The following RSU1 variants were observed in gnomAD, a reference collection of about 807,000 sequenced individuals.
RSU1 encodes Ras suppressor protein 1, also known as rsu-1.
RSU1 carries 26 observed loss-of-function variants against 31.1 expected under a neutral mutation model. The observed-to-expected ratio is 0.84, with a 90% CI of 0.61 to 1.16. The LOEUF is 1.16. Among genes scored for constraint, RSU1 ranks in the 50% most tolerant of loss-of-function variants. The pLI, the probability that RSU1 is intolerant of heterozygous loss-of-function variation, is 0.00. For missense variants in RSU1, 320 were observed against 339.1 expected, an observed-to-expected ratio of 0.94 and a Z score of 0.44; for synonymous variants, 164 against 136.3, an observed-to-expected ratio of 1.20 and a Z score of -1.41.
intron 8 of RSU1, among the ~76,000 whole-genome samples, chr10:16,626,187 G>A (rs895315805): frequency 3.9e-5 from 6 of 151,924 alleles, no homozygotes; most frequent in East Asian, 1.9e-4. Flanking sequence ...TGGGACTAAA[G>A]GTGCATGCCA....
intron 2 of RSU1, among the ~76,000 whole-genome samples, chr10:16,800,169 A>T (rs543610478): frequency 2.6e-5 from 4 of 152,180 alleles, no homozygotes; most frequent in Admixed American, 6.5e-5. Context: ...CTTTTACCCA[A>T]TGCATCATGT....
chr10:16,686,672 T>C (rs1043544471), intron 8 of RSU1, among the ~76,000 whole-genome samples: 1 of 152,100 alleles, frequency 6.6e-6, no homozygotes, highest in African/African-American at 2.4e-5. Context: ...GCAGGCTTGA[T>C]AGTCAACAAT....
intron 8 of RSU1, among the ~76,000 whole-genome samples, chr10:16,602,661 T>G (rs532267696): frequency 3.9e-5 from 6 of 152,350 alleles, no homozygotes; most frequent in African/African-American, 1.4e-4. Context: ...TATGCTGTTC[T>G]GAAGTCGTTT....
Position 16,816,998 on chromosome 10 carries a change from G to A in RSU1, c.84C>T (p.Ser28=), listed in dbSNP as rs745567913. The part of the protein sequence containing the change: ...PEVDMSDRGI[S]NMLDVNGLFT... The stretch of plus-strand genomic sequence containing the variant: ...AGAGGCCGTTGACATCCAGCATGTT[G>A]GAGATGCCCCGGTCACTCATGTCCA... The change falls in exon 2 of 9, where the codon TCC becomes TCT. Residue 28 remains serine, a synonymous_variant. Coordinates refer to ENST00000345264, the MANE Select transcript of RSU1 (RefSeq NM_012425.4). The A allele has an allele frequency of 2.5e-6, 4 of 1,613,830 alleles. No individual in the cohort carries two copies. The highest frequency in any genetic ancestry group is 1.1e-5 in the South Asian group (1 of 91,088).
chr10:16,776,539 G>A (rs551748599), intron 3 of RSU1, among the ~76,000 whole-genome samples: 2 of 151,208 alleles, frequency 1.3e-5, no homozygotes, highest in Non-Finnish European at 2.9e-5. Flanking sequence ...TTTACTACCT[G>A]CCTGGCCATT....
chr10:16,670,375 C>T (rs1835084274), intron 8 of RSU1, among the ~76,000 whole-genome samples: 1 of 152,142 alleles, frequency 6.6e-6, no homozygotes, highest in Non-Finnish European at 1.5e-5. Flanking sequence ...CAAAACTCCT[C>T]AAAGCAGCTA....
chr10:16,652,803 C>T (rs1452758032), intron 8 of RSU1, among the ~76,000 whole-genome samples: 16 of 152,042 alleles, frequency 1.1e-4, no homozygotes, highest in Admixed American at 1.0e-3. Flanking sequence ...CCATCTCAGC[C>T]TCCCAAGTAG....
At chr10:16,725,840 G>T (rs1836382099) in intron 7 of RSU1, among the ~76,000 whole-genome samples, 4 of 145,588 alleles carry the variant, frequency 2.7e-5, no homozygotes, top group African/African-American at 7.7e-5. Flanking sequence ...CATCTAGTAT[G>T]CAGGAACAAA....
At chr10:16,608,075 C>T (rs1392367741) in intron 8 of RSU1, among the ~76,000 whole-genome samples, 1 of 152,104 alleles carries the variant, frequency 6.6e-6, no homozygotes, top group Non-Finnish European at 1.5e-5. Flanking sequence ...AAGCCATCCA[C>T]CCGCCTTGGC....
intron 7 of RSU1, among the ~76,000 whole-genome samples, chr10:16,701,969 T>G (rs1048931084): frequency 2.6e-5 from 4 of 152,258 alleles, no homozygotes; most frequent in African/African-American, 9.6e-5. Flanking sequence ...TGGCATTCAT[T>G]TAGGATTTCT....
intron 7 of RSU1, among the ~76,000 whole-genome samples, chr10:16,707,945 T>A (rs1393303742): frequency 6.6e-6 from 1 of 152,192 alleles, no homozygotes; most frequent in Admixed American, 6.5e-5. Flanking sequence ...ATATCCAATT[T>A]TCCCAGCACC....
Position 16,606,079 on chromosome 10 carries a change from G to A in RSU1, c.732-12583C>T, listed in dbSNP as rs1300076923. ...CTTCTAAGGCTAAAGGGAAGACCAGGCACTCAGTAAAGGTGCTGCAGCGCC... is the reference window on the plus strand; with the variant it reads ...CTTCTAAGGCTAAAGGGAAGACCAGACACTCAGTAAAGGTGCTGCAGCGCC... On this transcript the variant is annotated intron_variant, in intron 8 of 8. Coordinates refer to ENST00000345264, the MANE Select transcript of RSU1 (RefSeq NM_012425.4). 2.0e-5 allele frequency among the ~76,000 whole-genome samples: 3 copies of A among 152,126 alleles called. No homozygotes were observed. In the East Asian group the frequency reaches 5.8e-4, roughly 29 times the overall value.
At chr10:16,688,021 C>G (rs1835470334) in intron 8 of RSU1, among the ~76,000 whole-genome samples, 1 of 152,092 alleles carries the variant, frequency 6.6e-6, no homozygotes, top group Non-Finnish European at 1.5e-5. Context: ...CTGCACCCAG[C>G]CTTCAAAAGT....
At position 16,593,212 on chromosome 10, in the gene RSU1, T is replaced by C. The variant is rs1027233151; in HGVS notation, c.*182A>G. On this transcript the variant is annotated 3_prime_UTR_variant, in exon 9 of 9. Transcript: ENST00000345264. ...AAATGGAAATGGTTTAAAGACCTTA[T>C]AACAATCTCCCACCTAGCAAAAGAA... 5.8e-6 allele frequency: 7 copies of C among 1,206,344 alleles called. No individual in the cohort carries two copies. Among genetic ancestry groups the C allele is most frequent in the Admixed American group, 2.9e-5 (1 of 34,078 alleles). 74.7% of individuals were successfully genotyped at this position (1,206,344 alleles called of 1,614,324 possible). A position where few individuals can be genotyped will look rare whatever the true frequency, so the allele number is the denominator to read the frequency against.
At chr10:16,790,397 G>C (rs1487644012) in intron 2 of RSU1, among the ~76,000 whole-genome samples, 1 of 152,162 alleles carries the variant, frequency 6.6e-6, no homozygotes, top group Non-Finnish European at 1.5e-5. Context: ...AGAGAATATG[G>C]ACCAACCACC....
chr10:16,796,496 C>G (rs547451454), intron 2 of RSU1, among the ~76,000 whole-genome samples: 1 of 152,262 alleles, frequency 6.6e-6, no homozygotes, highest in South Asian at 2.1e-4. Context: ...TTCCTCACCC[C>G]AAAGGCCCAT....
At chr10:16,699,610 G>C (rs1835747438) in intron 7 of RSU1, among the ~76,000 whole-genome samples, 1 of 152,230 alleles carries the variant, frequency 6.6e-6, no homozygotes, top group South Asian at 2.1e-4. Context: ...CCCTTTATTA[G>C]AAGGCTGAGC....
chr10:16,798,824 C>T (rs1358358852), intron 2 of RSU1, among the ~76,000 whole-genome samples: 1 of 152,032 alleles, frequency 6.6e-6, no homozygotes, highest in African/African-American at 2.4e-5. Context: ...GACTTTCAAA[C>T]AATGCTTTAT....
rs762372694 is a variant in RSU1, at chr10:16,752,551, G to A, written c.586C>T (p.Pro196Ser). 3 of 1,612,802 alleles carry A rather than the reference G, an allele frequency of 1.9e-6. No homozygotes were observed. The highest frequency in any genetic ancestry group is 2.2e-5 in the East Asian group (1 of 44,890). ...HIQGNRLTVL[P>S]PELGNLDLTG... ...TCAGCAACCTTACCTAGTTCTGGGGGCAGAACGGTGAGGCGGTTCCCCTGA... is the reference window on the plus strand; with the variant it reads ...TCAGCAACCTTACCTAGTTCTGGGGACAGAACGGTGAGGCGGTTCCCCTGA... Residue 196 changes from proline to serine, a missense_variant, in exon 7 of 9, where the codon CCC becomes TCC. By Grantham distance (74) the Pro-to-Ser change is moderately conservative. Coordinates refer to ENST00000345264, the MANE Select transcript of RSU1 (RefSeq NM_012425.4).
Sources: allele counts gnomAD v4.1 joint callset (sites outside exome capture counted in the v4.1 genomes callset), GRCh38; gene constraint gnomAD v4.1.1; transcripts MANE v1.5; gene names NCBI Gene and HGNC (gene_info 2026-07-23, HGNC 2026-07-21).